Variants in LRRTM4 observed in about 807,000 individuals in gnomAD.
LRRTM4 encodes the protein leucine-rich repeat transmembrane neuronal protein 4.
LRRTM4 carries 25 observed loss-of-function variants against 47.6 expected under a neutral mutation model. The ratio of observed to expected loss-of-function variants is 0.53; its 90% CI spans 0.38 to 0.73. The LOEUF is 0.73. Among genes scored for constraint, LRRTM4 ranks in the 30% least tolerant of loss-of-function variants. The pLI is 0.00. For synonymous variants in LRRTM4, 311 were observed against 269.5 expected (o/e 1.15, Z -1.51); for missense variants, 638 against 713.4 (o/e 0.89, Z 1.20).
intron 3 of LRRTM4, among the ~76,000 whole-genome samples, chr2:77,329,063 A>G (rs1289858563): frequency 6.6e-6 from 1 of 152,196 alleles, no homozygotes; most frequent in Non-Finnish European, 1.5e-5. Context: ...TGATATCAAC[A>G]GAGTCTCCTG....
At chr2:77,131,090 TC>T (rs1240805670) in intron 3 of LRRTM4, among the ~76,000 whole-genome samples, 22 of 152,008 alleles carry the variant, frequency 1.4e-4, no homozygotes, top group African/African-American at 4.6e-4. Flanking sequence ...CGCCTCGGCC[TC>T]CCAAAGTGCT....
At chr2:76,939,353 C>G (rs9973567) in intron 3 of LRRTM4, among the ~76,000 whole-genome samples, 35,232 of 151,926 alleles carry the variant, frequency 0.23, 4,932 homozygotes, top group African/African-American at 0.39. Flanking sequence ...CTCCTAAAGG[C>G]CTTAGAATCC....
intron 3 of LRRTM4, among the ~76,000 whole-genome samples, chr2:77,248,222 T>C (rs1675501237): frequency 6.6e-6 from 1 of 151,666 alleles, no homozygotes; most frequent in African/African-American, 2.4e-5. Context: ...GTGTGTTTTA[T>C]GTGAGTATAT....
chr2:77,318,884 CTTT>C (rs57950102), intron 3 of LRRTM4, among the ~76,000 whole-genome samples: 4 of 149,948 alleles, frequency 2.7e-5, no homozygotes, highest in Non-Finnish European at 6.0e-5. Context: ...CCTACTTGCT[CTTT>C]TTTTTTTATC....
intron 3 of LRRTM4, among the ~76,000 whole-genome samples, chr2:76,875,478 G>A (rs190445428): frequency 1.3e-5 from 2 of 152,174 alleles, no homozygotes; most frequent in Non-Finnish European, 2.9e-5. Flanking sequence ...GTGACATAAG[G>A]TTGTTGGAAA....
At chr2:77,018,145 A>C (rs988126514) in intron 3 of LRRTM4, among the ~76,000 whole-genome samples, 64 of 151,844 alleles carry the variant, frequency 4.2e-4, no homozygotes, top group African/African-American at 1.1e-3. Flanking sequence ...TTTCAATTTC[A>C]AATATTTAAT....
chr2:77,270,650 CT>C (rs1486530002), intron 3 of LRRTM4, among the ~76,000 whole-genome samples: 4 of 152,208 alleles, frequency 2.6e-5, no homozygotes, highest in African/African-American at 9.6e-5. Flanking sequence ...CTCACCCTCT[CT>C]TATGATAGTG....
At chr2:76,969,272 A>G (rs749251444) in intron 3 of LRRTM4, among the ~76,000 whole-genome samples, 18 of 151,838 alleles carry the variant, frequency 1.2e-4, no homozygotes, top group Non-Finnish European at 1.9e-4. Context: ...ACTTTATTCT[A>G]TCTTGTATAA....
chr2:77,400,589 G>A (rs182029689), intron 3 of LRRTM4, among the ~76,000 whole-genome samples: 4 of 152,012 alleles, frequency 2.6e-5, no homozygotes, highest in Non-Finnish European at 4.4e-5. Flanking sequence ...AGCAGCCAGA[G>A]AGGGACTTCA....
intron 3 of LRRTM4, among the ~76,000 whole-genome samples, chr2:77,457,244 C>G (rs1057164035): frequency 6.6e-6 from 1 of 151,736 alleles, no homozygotes; most frequent in Non-Finnish European, 1.5e-5. Context: ...ATTTCCCCCT[C>G]TCACTACAAA....
chr2:77,347,555 T>A (rs981327142), intron 3 of LRRTM4, among the ~76,000 whole-genome samples: 1 of 152,166 alleles, frequency 6.6e-6, no homozygotes, highest in Non-Finnish European at 1.5e-5. Context: ...AAATAATATT[T>A]CTCAAATTAT....
chr2:77,144,654 C>G (rs2103769904), intron 3 of LRRTM4, among the ~76,000 whole-genome samples: 1 of 152,220 alleles, frequency 6.6e-6, no homozygotes, highest in East Asian at 1.9e-4. Context: ...CTTTTCTCTT[C>G]CCTATTTATG....
chr2:77,000,505 C>A (rs1573431214), intron 3 of LRRTM4, among the ~76,000 whole-genome samples: 2 of 152,150 alleles, frequency 1.3e-5, no homozygotes, highest in Non-Finnish European at 2.9e-5. Context: ...GGTTGCTAAG[C>A]AACTTCTAAC....
At chr2:77,302,919 G>A (rs1677169191) in intron 3 of LRRTM4, among the ~76,000 whole-genome samples, 1 of 152,132 alleles carries the variant, frequency 6.6e-6, no homozygotes, top group Non-Finnish European at 1.5e-5. Flanking sequence ...TGGCATGGGT[G>A]GGAGGGTAAA....
At chr2:76,958,677 T>C (rs1416802876) in intron 3 of LRRTM4, among the ~76,000 whole-genome samples, 1 of 151,706 alleles carries the variant, frequency 6.6e-6, no homozygotes, top group Admixed American at 6.6e-5. Context: ...ATCAAGAAAA[T>C]AGCTCTTGGG....
In LRRTM4 at chr2:77,336,547, T is replaced by A. The variant is rs543246293; in HGVS notation, c.1551+181771A>T. Among the ~76,000 whole-genome samples the A allele has an allele frequency of 2.0e-5, 3 of 152,178 alleles. No homozygotes were observed. In the South Asian group the frequency reaches 6.2e-4, roughly 32 times the overall value. On this transcript the variant is annotated intron_variant, in intron 3 of 3. Coordinates refer to ENST00000409884, the MANE Select transcript of LRRTM4 (RefSeq NM_001134745.3). ...AATTAAGGGGGCTTTATTCCTGAAA[T>A]GCAAGGATGGTTCAACATAGGCAAA...
chr2:77,258,758 T>TA (rs796674248), intron 3 of LRRTM4, among the ~76,000 whole-genome samples: 73 of 150,002 alleles, frequency 4.9e-4, no homozygotes, highest in South Asian at 1.3e-3. Context: ...TTCTTATTTT[T>TA]AAAAAAAAAA....
chr2:76,877,649 C>CGG (rs1672814405), intron 3 of LRRTM4, among the ~76,000 whole-genome samples: 2 of 151,980 alleles, frequency 1.3e-5, no homozygotes, highest in African/African-American at 4.8e-5. Flanking sequence ...TCATTTATTA[C>CGG]TTCTAGAAAT....
intron 3 of LRRTM4, among the ~76,000 whole-genome samples, chr2:77,279,101 C>T (rs560982519): frequency 2.6e-5 from 4 of 152,080 alleles, no homozygotes; most frequent in Admixed American, 2.6e-4. Context: ...AAACTATAAA[C>T]ATTGGAGGTC....
Sources: gnomAD v4.1 joint callset for allele counts (sites outside exome capture counted in the v4.1 genomes callset) on GRCh38, gnomAD v4.1.1 for gene constraint, MANE v1.5 for transcripts, NCBI Gene and HGNC (gene_info 2026-07-23, HGNC 2026-07-21) for gene names.